The following DOCK8 variants were observed in gnomAD, a reference collection of about 807,000 sequenced individuals.
DOCK8 encodes dedicator of cytokinesis 8.
A neutral mutation model predicts 245.6 loss-of-function variants in DOCK8; 141 were observed. That is an observed-to-expected ratio of 0.57 (90% CI 0.50 to 0.66). The LOEUF is 0.66. DOCK8 is among the 30% of genes least tolerant of loss of function. The pLI is 0.00. For synonymous variants in DOCK8, 1,168 were observed against 970.2 expected (o/e 1.20, Z -3.79); for missense variants, 2,965 against 2,603.4 (o/e 1.14, Z -3.02).
At chr9:226,632 A>C (rs553244681) in intron 1 of DOCK8, among the ~76,000 whole-genome samples, 130 of 152,128 alleles carry the variant, frequency 8.5e-4, no homozygotes, top group Non-Finnish European at 1.6e-3. Flanking sequence ...AACAAAAAAA[A>C]AGAGAAATCA....
rs1299216330 is a variant in DOCK8, at chr9:232,754, AT to A, written c.53+17731del. On this transcript the variant is annotated intron_variant, in intron 1 of 47. Transcript: ENST00000432829. ...GATCGGTGGTGATATCCCCTTTATCATTTTTTACTGCGTCTGTTTGATTCTT... is the reference window on the plus strand; with the variant it reads ...GATCGGTGGTGATATCCCCTTTATCATTTTTACTGCGTCTGTTTGATTCTT... Among the ~76,000 whole-genome samples the A allele has an allele frequency of 5.7e-3, 864 of 152,118 alleles. 7 individuals carry two copies. The highest frequency in any genetic ancestry group is 0.019 in the African/African-American group (802 of 41,498).
chr9:345,354 C>T (rs970341171), intron 14 of DOCK8, among the ~76,000 whole-genome samples: 2 of 152,192 alleles, frequency 1.3e-5, no homozygotes, highest in African/African-American at 4.8e-5. Context: ...GTAGCTAACA[C>T]CTCTGTCGGG....
intron 26 of DOCK8, among the ~76,000 whole-genome samples, chr9:400,303 T>A (rs1250549117): frequency 6.9e-5 from 2 of 29,122 alleles, no homozygotes; most frequent in Non-Finnish European, 1.1e-4. Context: ...CACCACCATC[T>A]TCACCGTCAC....
chr9:352,234 C>T (rs2052205934), intron 14 of DOCK8, among the ~76,000 whole-genome samples: 1 of 152,132 alleles, frequency 6.6e-6, no homozygotes, highest in South Asian at 2.1e-4. Flanking sequence ...TTCAAGGTCA[C>T]TGATTGTTAC....
At chr9:273,530 G>A (rs893899509) in intron 2 of DOCK8, among the ~76,000 whole-genome samples, 1 of 152,132 alleles carries the variant, frequency 6.6e-6, no homozygotes, top group Non-Finnish European at 1.5e-5. Flanking sequence ...TTTTAAACAA[G>A]GTAGAGGGTT....
chr9:302,838 C>T (rs2049616579), intron 4 of DOCK8, among the ~76,000 whole-genome samples: 1 of 152,052 alleles, frequency 6.6e-6, no homozygotes, highest in African/African-American at 2.4e-5. Flanking sequence ...ATTGAAAAGT[C>T]ATAAAATAGA....
At chr9:246,768 T>C (rs182012558) in intron 1 of DOCK8, among the ~76,000 whole-genome samples, 83 of 152,256 alleles carry the variant, frequency 5.5e-4, no homozygotes, top group Non-Finnish European at 1.3e-4. Flanking sequence ...ATTTATTTTT[T>C]AAAGCTTTTA....
rs1212502141 is a variant in DOCK8 at position 434,642 on chromosome 9, T to A, written c.4887-141T>A. 3.9e-5 allele frequency: 32 copies of A among 811,442 alleles called. 1 individual carries two copies. In the Admixed American group the frequency reaches 6.6e-4, roughly 17 times the overall value. The allele number at this position is 811,442 out of a possible 1,614,324, so 50.3% of individuals were successfully genotyped here. Reference sequence around the variant, plus strand: ...ATAAATGTTTTCTTCTGTCTCGTTTTCTGGAAATATAGGGCAAAATCTCAG... The same window carrying A: ...ATAAATGTTTTCTTCTGTCTCGTTTACTGGAAATATAGGGCAAAATCTCAG... On this transcript the variant is annotated intron_variant, in intron 38 of 47. Transcript: ENST00000432829.
chr9:282,280 T>G (rs143153170), intron 2 of DOCK8, among the ~76,000 whole-genome samples: 1 of 152,030 alleles, frequency 6.6e-6, no homozygotes, highest in Non-Finnish European at 1.5e-5. Flanking sequence ...CATTGCTGAG[T>G]GAGGAAGTCA....
intron 18 of DOCK8, among the ~76,000 whole-genome samples, chr9:373,847 A>G (rs2131234764): frequency 6.6e-6 from 1 of 152,334 alleles, no homozygotes; most frequent in African/African-American, 2.4e-5. Flanking sequence ...TGATTTGGAC[A>G]TCAACACCTT....
At chr9:418,277 G>C (rs2056120060) in intron 30 of DOCK8, 70 bp downstream of exon 30, 2 of 1,598,024 alleles carry the variant, frequency 1.3e-6, no homozygotes, top group Non-Finnish European at 1.7e-6. Context: ...TGTTTTGTTT[G>C]TTTGTTTGTT....
chr9:216,540 A>C (rs1563813747), intron 1 of DOCK8, among the ~76,000 whole-genome samples: 1 of 143,058 alleles, frequency 7.0e-6, no homozygotes, highest in Admixed American at 6.9e-5. Context: ...AAACAGACAA[A>C]AAAAAAAAAA....
At chr9:215,289 CCGAACAACCT>C in intron 1 of DOCK8, 1 of 1,608,864 alleles carries the variant, frequency 6.2e-7, no homozygotes. Flanking sequence ...GATCCCTTCC[CCGAACAACCT>C]CGCCCGCTCC....
chr9:400,060 TCCTTCACCATCACCATCAC>T (rs2054722361), intron 26 of DOCK8, among the ~76,000 whole-genome samples: 1 of 31,490 alleles, frequency 3.2e-5, no homozygotes, highest in African/African-American at 1.8e-4. Context: ...CATCACCACC[TCCTTCACCATCACCATCAC>T]CACCACCTCC....
intron 39 of DOCK8, among the ~76,000 whole-genome samples, chr9:435,455 G>A (rs2056866224): frequency 6.6e-6 from 1 of 152,132 alleles, no homozygotes; most frequent in Admixed American, 6.5e-5. Context: ...AACTGAGAGA[G>A]CAAGTTTTCT....
At chr9:294,132 C>G (rs1337944968) in intron 4 of DOCK8, among the ~76,000 whole-genome samples, 1 of 152,162 alleles carries the variant, frequency 6.6e-6, no homozygotes. Flanking sequence ...AGAGCTATAT[C>G]CCATTCTACT....
At chr9:244,153 A>C (rs958860100) in intron 1 of DOCK8, among the ~76,000 whole-genome samples, 8 of 144,650 alleles carry the variant, frequency 5.5e-5, no homozygotes, top group South Asian at 2.2e-4. Flanking sequence ...GCGCCACTGC[A>C]CTCCAGCCTG....
chr9:222,586 G>A (rs1406381568), intron 1 of DOCK8, among the ~76,000 whole-genome samples: 1 of 152,042 alleles, frequency 6.6e-6, no homozygotes, highest in East Asian at 1.9e-4. Flanking sequence ...TTAAATGCCT[G>A]TAACCTCTTC....
At position 372,107 on chromosome 9, in the gene DOCK8, AT is replaced by A. The variant is rs1453963739; in HGVS notation, c.2008-76del. 7.8e-6 allele frequency: 10 copies of A among 1,289,390 alleles called. No homozygotes were observed. The African/African-American group carries it at 1.5e-4, about 19-fold the overall frequency. 79.9% of individuals were successfully genotyped at this position (1,289,390 alleles called of 1,614,324 possible). A position where few individuals can be genotyped will look rare whatever the true frequency, so the allele number is the denominator to read the frequency against. On this transcript the variant is annotated intron_variant, in intron 17 of 47. Transcript: ENST00000432829. ...TCTACTCACTGTTTAGTTGCATTTG[AT>A]TATTGCGAGCTAGATAAATTATCAG...
Sources: gnomAD v4.1 joint callset for allele counts (sites outside exome capture counted in the v4.1 genomes callset) on GRCh38, gnomAD v4.1.1 for gene constraint, MANE v1.5 for transcripts, NCBI Gene and HGNC (gene_info 2026-07-23, HGNC 2026-07-21) for gene names.